Variants in ADGRL4 observed in about 807,000 individuals in gnomAD.
ADGRL4 encodes the protein adhesion G protein-coupled receptor L4.
ADGRL4 carries 90 observed loss-of-function variants against 74.8 expected under a neutral mutation model. The observed-to-expected ratio is 1.20, with a 90% CI of 1.02 to 1.43. ADGRL4 has a LOEUF of 1.43. ADGRL4 is among the 40% of genes most tolerant of loss of function. The pLI is 0.00. For synonymous variants in ADGRL4, 311 were observed against 279.2 expected (o/e 1.11, Z -1.14); for missense variants, 881 against 814.3 (o/e 1.08, Z -1.00).
At chr1:79,000,227 C>A (rs553907434) in intron 2 of ADGRL4, among the ~76,000 whole-genome samples, 4 of 152,176 alleles carry the variant, frequency 2.6e-5, no homozygotes, top group South Asian at 2.1e-4. Context: ...GTTTCATTAT[C>A]GGTTACTTGG....
chr1:78,965,991 C>CAAAAAA (rs201414584), intron 2 of ADGRL4, among the ~76,000 whole-genome samples: 2 of 107,940 alleles, frequency 1.9e-5, no homozygotes. Context: ...AGGACAGAAC[C>CAAAAAA]AAAAAAAAAA....
chr1:78,904,646 A>G (rs1291610798), intron 12 of ADGRL4, among the ~76,000 whole-genome samples: 2 of 152,060 alleles, frequency 1.3e-5, no homozygotes, highest in Non-Finnish European at 2.9e-5. Flanking sequence ...TTAAGAAAGC[A>G]ACAAATGCAC....
At chr1:78,954,974 T>C (rs1649799436) in intron 2 of ADGRL4, among the ~76,000 whole-genome samples, 1 of 152,130 alleles carries the variant, frequency 6.6e-6, no homozygotes. Context: ...TTTTTCAATG[T>C]AGTAATGGCT....
chr1:78,962,344 A>G (rs1302361938), intron 2 of ADGRL4, among the ~76,000 whole-genome samples: 2 of 152,158 alleles, frequency 1.3e-5, no homozygotes, highest in South Asian at 2.1e-4. Context: ...TCTCTCTGCA[A>G]TCTAACTCAA....
At chr1:78,970,605 G>A (rs1250281768) in intron 2 of ADGRL4, among the ~76,000 whole-genome samples, 1 of 152,148 alleles carries the variant, frequency 6.6e-6, no homozygotes, top group African/African-American at 2.4e-5. Context: ...TGTACCCCAG[G>A]TATCTGCTAG....
At chr1:78,963,706 T>C (rs1649999789) in intron 2 of ADGRL4, among the ~76,000 whole-genome samples, 1 of 152,194 alleles carries the variant, frequency 6.6e-6, no homozygotes, top group Non-Finnish European at 1.5e-5. Context: ...TTTTACATGA[T>C]TTCTTCATAA....
At chr1:78,967,877 C>T (rs899476324) in intron 2 of ADGRL4, among the ~76,000 whole-genome samples, 2 of 151,868 alleles carry the variant, frequency 1.3e-5, no homozygotes, top group Non-Finnish European at 2.9e-5. Flanking sequence ...TATTTCATAA[C>T]ATCAAGTGTT....
chr1:78,932,039 G>A (rs945808251), intron 7 of ADGRL4, among the ~76,000 whole-genome samples: 1 of 151,384 alleles, frequency 6.6e-6, no homozygotes, highest in Non-Finnish European at 1.5e-5. Context: ...AAATAAACAA[G>A]GATAATCAGG....
chr1:78,899,599 T>A (rs760056547), intron 12 of ADGRL4, among the ~76,000 whole-genome samples: 3 of 152,096 alleles, frequency 2.0e-5, no homozygotes, highest in Non-Finnish European at 4.4e-5. Flanking sequence ...AAGCGATCTG[T>A]CCACCTAGGT....
intron 12 of ADGRL4, among the ~76,000 whole-genome samples, chr1:78,917,129 C>A (rs1251916979): frequency 6.6e-6 from 1 of 151,648 alleles, no homozygotes; most frequent in Admixed American, 6.6e-5. Context: ...TGACAGGGTA[C>A]ATAAAGATGA....
chr1:78,897,449 A>G (rs1292016927), intron 12 of ADGRL4, among the ~76,000 whole-genome samples: 3 of 152,108 alleles, frequency 2.0e-5, no homozygotes, highest in Non-Finnish European at 4.4e-5. Flanking sequence ...TTTAGCAAGA[A>G]TTCCTCTTAC....
chr1:78,891,247 G>A, intron 14 of ADGRL4, 31 bp from the exon 15 acceptor site: 8 of 1,565,948 alleles, frequency 5.1e-6, no homozygotes, highest in African/African-American at 4.1e-5. Context: ...AGGAAGAAAT[G>A]TTAATCATAA....
chr1:78,987,359 T>C (rs749992116), intron 2 of ADGRL4, among the ~76,000 whole-genome samples: 1 of 151,830 alleles, frequency 6.6e-6, no homozygotes, highest in Non-Finnish European at 1.5e-5. Flanking sequence ...TTATATCTTA[T>C]ACATTTCTGG....
At chr1:78,979,675 A>G (rs1294071659) in intron 2 of ADGRL4, among the ~76,000 whole-genome samples, 1 of 151,972 alleles carries the variant, frequency 6.6e-6, no homozygotes, top group Non-Finnish European at 1.5e-5. Flanking sequence ...ATGAGTGGAT[A>G]AAGAAAATGT....
intron 2 of ADGRL4, among the ~76,000 whole-genome samples, chr1:78,962,339 C>G (rs1214996888): frequency 6.6e-6 from 1 of 152,156 alleles, no homozygotes; most frequent in African/African-American, 2.4e-5. Context: ...TGATTTCTCT[C>G]TGCAATCTAA....
intron 7 of ADGRL4, among the ~76,000 whole-genome samples, chr1:78,930,201 T>A (rs1649208353): frequency 6.6e-6 from 1 of 151,292 alleles, no homozygotes; most frequent in African/African-American, 2.5e-5. Flanking sequence ...TACTATTTTG[T>A]TGTTGTTCTC....
At chr1:78,995,794 G>T (rs181051983) in intron 2 of ADGRL4, among the ~76,000 whole-genome samples, 7 of 152,300 alleles carry the variant, frequency 4.6e-5, no homozygotes, top group African/African-American at 1.7e-4. Flanking sequence ...ACTAAGGCTT[G>T]GATGCTCTTT....
chr1:78,954,882 A>G (rs998024415), intron 2 of ADGRL4, among the ~76,000 whole-genome samples: 3 of 152,100 alleles, frequency 2.0e-5, no homozygotes, highest in African/African-American at 2.4e-5. Flanking sequence ...AATCTGATAC[A>G]CCTAACTTAC....
chr1:78,904,181 A>G (rs952874960), intron 12 of ADGRL4, among the ~76,000 whole-genome samples: 3 of 151,856 alleles, frequency 2.0e-5, no homozygotes, highest in Admixed American at 6.6e-5. Context: ...ACATTGCTGA[A>G]GATTTGAAGA....
Sources: allele counts gnomAD v4.1 joint callset (sites outside exome capture counted in the v4.1 genomes callset), GRCh38; gene constraint gnomAD v4.1.1; transcripts MANE v1.5; gene names NCBI Gene and HGNC (gene_info 2026-07-23, HGNC 2026-07-21).